ANAPC7: variants seen among roughly 807,000 people sequenced by gnomAD.
ANAPC7 encodes anaphase promoting complex subunit 7.
In ANAPC7, 25 loss-of-function variants were observed where a neutral mutation model predicts 63.3. The ratio of observed to expected loss-of-function variants is 0.39; its 90% CI spans 0.29 to 0.55. The LOEUF (loss-of-function observed/expected upper bound fraction) is 0.55. ANAPC7 is among the 20% of genes least tolerant of loss of function. The pLI, the probability that ANAPC7 is intolerant of heterozygous loss-of-function variation, is 0.57. For missense variants in ANAPC7, 516 were observed against 691.7 expected (o/e 0.75, Z 2.85); for synonymous variants, 241 against 251.7 (o/e 0.96, Z 0.40).
intron 5 of ANAPC7, 29 bp downstream of exon 5, chr12:110,387,710 G>A: frequency 3.2e-6 from 5 of 1,585,654 alleles, no homozygotes; most frequent in Non-Finnish European, 4.3e-6. Context: ...AGGGCCTCAA[G>A]AACACTGAAT....
rs1459499069 is a variant in ANAPC7 at position 110,374,306 on chromosome 12, T to C, written c.1536A>G (p.Leu512=). 6.2e-7 allele frequency: 1 copy of C among 1,614,066 alleles called. No homozygotes were observed. The highest frequency in any genetic ancestry group is 1.1e-5 in the South Asian group (1 of 91,080). The change falls in exon 11 of 11, where the codon CTA becomes CTG. Residue 512 remains leucine (L), a synonymous_variant. Transcript: ENST00000455511. ...LSLDPNDQKS[L]EGMQKMEKEE... is the part of the protein sequence containing the mutation. ...CCTTCTCCATCTTCTGCATCCCCTC[T>C]AGAGACTTCTGGTCATTGGGGTCCA...
intron 1 of ANAPC7, among the ~76,000 whole-genome samples, chr12:110,397,100 A>C (rs971433583): frequency 6.6e-6 from 1 of 151,810 alleles, no homozygotes; most frequent in Non-Finnish European, 1.5e-5. Context: ...GCTACTTGGG[A>C]GGCTGAAGCA....
intron 3 of ANAPC7, among the ~76,000 whole-genome samples, chr12:110,391,754 A>G (rs1279800494): frequency 6.6e-6 from 1 of 152,208 alleles, no homozygotes; most frequent in African/African-American, 2.4e-5. Context: ...AGATTATGGT[A>G]TATTTCTAAT....
chr12:110,389,950 C>A (rs1387120922), intron 3 of ANAPC7, among the ~76,000 whole-genome samples: 2 of 151,378 alleles, frequency 1.3e-5, no homozygotes, highest in Non-Finnish European at 2.9e-5. Flanking sequence ...ACAAAAAAAA[C>A]CCACAAAAAC....
At chr12:110,401,705 G>T (rs1016134115) in intron 1 of ANAPC7, among the ~76,000 whole-genome samples, 2 of 151,850 alleles carry the variant, frequency 1.3e-5, no homozygotes, top group Non-Finnish European at 2.9e-5. Flanking sequence ...AGACTGGTCG[G>T]CTGGGCGCGG....
intron 3 of ANAPC7, among the ~76,000 whole-genome samples, chr12:110,394,320 A>G (rs35026231): frequency 0.15 from 22,405 of 151,418 alleles, 2,330 homozygotes; most frequent in African/African-American, 0.3. Context: ...GTGGAACCTT[A>G]TCTCTACCAA....
chr12:110,382,453 AAAAAAAAAATATATATATATATATATAT>A (rs1881969882), intron 7 of ANAPC7, among the ~76,000 whole-genome samples: 3 of 71,866 alleles, frequency 4.2e-5, no homozygotes, highest in African/African-American at 1.7e-4. Flanking sequence ...AAAAAAAAAA[AAAAAAAAAATATATATATATATATATAT>A]ATATATATAT....
chr12:110,396,308 C>T lies in ANAPC7; in HGVS notation c.246G>A (p.Val82=). 1 of 1,613,642 alleles carries T rather than the reference C, an allele frequency of 6.2e-7. No homozygotes were observed. Among genetic ancestry groups the T allele is most frequent in the Non-Finnish European group, 8.5e-7 (1 of 1,179,882 alleles). ...QKKALSKTSK[V]RPSTGNSAST... ...ATGCAGAATTTCCAGTTGAAGGTCT[C>T]ACTTTTGAAGTTTTACTTAGCGCTT... The change falls in exon 2 of 11, where the codon GTG becomes GTA. Residue 82 remains valine, a synonymous_variant. Coordinates refer to ENST00000455511, the MANE Select transcript of ANAPC7 (RefSeq NM_016238.3).
chr12:110,401,003 T>C (rs1185489765), intron 1 of ANAPC7, among the ~76,000 whole-genome samples: 1 of 151,760 alleles, frequency 6.6e-6, no homozygotes, highest in African/African-American at 2.4e-5. Flanking sequence ...TCAGCCGAGA[T>C]CGCACCACTG....
intron 5 of ANAPC7, 170 bp downstream of exon 5, chr12:110,387,569 T>C: frequency 1.5e-6 from 1 of 684,510 alleles, no homozygotes; most frequent in Non-Finnish European, 2.4e-6. Context: ...ACAGAGATGA[T>C]TACATGATTA....
intron 10 of ANAPC7, among the ~76,000 whole-genome samples, chr12:110,374,974 A>G (rs1304795563): frequency 6.6e-6 from 1 of 152,030 alleles, no homozygotes; most frequent in Non-Finnish European, 1.5e-5. Context: ...CTCCTAAGCA[A>G]TCTTTCCTCT....
At position 110,403,687 on chromosome 12, in the gene ANAPC7, T is replaced by A. The variant is rs573550338; in HGVS notation, c.-60A>T. 3.7e-5 allele frequency: 58 copies of A among 1,553,660 alleles called. No individual in the cohort carries two copies. Among genetic ancestry groups the A allele is most frequent in the East Asian group, 3.2e-4 (13 of 41,222 alleles). ...ACTGACTCGAAAAGCCGGTAGAGGA[T>A]CCTTAGGGAAGACTCCAAAATGGCG... On this transcript the variant is annotated 5_prime_UTR_variant, in exon 1 of 11. Coordinates refer to ENST00000455511, the MANE Select transcript of ANAPC7 (RefSeq NM_016238.3).
chr12:110,400,355 C>T (rs2062211464), intron 1 of ANAPC7, among the ~76,000 whole-genome samples: 6 of 152,148 alleles, frequency 3.9e-5, no homozygotes. Context: ...GTTCAAGACT[C>T]AGGTAAAGAT....
rs911505756 is a variant in ANAPC7, at chr12:110,373,994, G to A, written c.*150C>T. 16 of 851,530 alleles carry A rather than the reference G, an allele frequency of 1.9e-5. No homozygotes were observed. Among genetic ancestry groups the A allele is most frequent in the Middle Eastern group, 3.7e-4 (1 of 2,690 alleles). 52.7% of individuals were successfully genotyped at this position (851,530 alleles called of 1,614,324 possible). A position where few individuals can be genotyped will look rare whatever the true frequency, so the allele number is the denominator to read the frequency against. On this transcript the variant is annotated 3_prime_UTR_variant, in exon 11 of 11. Coordinates refer to ENST00000455511, the MANE Select transcript of ANAPC7 (RefSeq NM_016238.3). The stretch of plus-strand genomic sequence containing the variant: ...GGCTCTGTTTTAGAAATGAAGTCAC[G>A]ACTAGGAATTGGGAGCGAGGGGGCA...
intron 1 of ANAPC7, among the ~76,000 whole-genome samples, chr12:110,403,247 G>A (rs1346386805): frequency 6.6e-6 from 1 of 152,202 alleles, no homozygotes; most frequent in African/African-American, 2.4e-5. Flanking sequence ...CCCGCGACAG[G>A]TGCCTCAGGA....
intron 3 of ANAPC7, 43 bp downstream of exon 3, chr12:110,395,058 G>T: frequency 6.3e-7 from 1 of 1,598,906 alleles, no homozygotes. Flanking sequence ...AGGGAGCAGG[G>T]TTAGGAGAGC....
At chr12:110,392,098 A>G in intron 3 of ANAPC7, among the ~76,000 whole-genome samples, 1 of 151,114 alleles carries the variant, frequency 6.6e-6, no homozygotes, top group African/African-American at 2.4e-5. Context: ...CTCACAAAAA[A>G]AAAAAAAAAA....
chr12:110,376,991 G>T (rs1304819800), intron 9 of ANAPC7, among the ~76,000 whole-genome samples: 1 of 151,802 alleles, frequency 6.6e-6, no homozygotes, highest in Admixed American at 6.6e-5. Context: ...AAAAAAATTA[G>T]CTGGGCATGG....
intron 7 of ANAPC7, among the ~76,000 whole-genome samples, chr12:110,382,338 G>A (rs1881931832): frequency 6.7e-6 from 1 of 150,050 alleles, no homozygotes; most frequent in South Asian, 2.1e-4. Flanking sequence ...CCTAGAAGGA[G>A]AGGTTATTAG....
Sources: allele counts gnomAD v4.1 joint callset (sites outside exome capture counted in the v4.1 genomes callset), GRCh38; gene constraint gnomAD v4.1.1; transcripts MANE v1.5; gene names NCBI Gene and HGNC (gene_info 2026-07-23, HGNC 2026-07-21).